Variants in NAP1L4 observed in about 807,000 individuals in gnomAD.
NAP1L4 encodes the protein nucleosome assembly protein 1 like 4.
Under a neutral mutation model 58.2 loss-of-function variants are expected in NAP1L4, and 15 were observed. The observed-to-expected ratio is 0.26, with a 90% CI of 0.17 to 0.40. NAP1L4 has a LOEUF of 0.40. Ranked by LOEUF, NAP1L4 falls within the 10% of genes least tolerant of loss-of-function variation. The pLI, the probability that NAP1L4 is intolerant of heterozygous loss-of-function variation, is 1.00. For synonymous variants in NAP1L4, 171 were observed against 155.6 expected (o/e 1.10, Z -0.74); for missense variants, 384 against 451.1 (o/e 0.85, Z 1.35).
chr11:2,965,752 G>A (rs1038399733), intron 7 of NAP1L4, among the ~76,000 whole-genome samples: 7 of 152,080 alleles, frequency 4.6e-5, no homozygotes, highest in Non-Finnish European at 7.4e-5. Context: ...GGATGGTCTC[G>A]ATCTCCTGAC....
At chr11:2,957,982 G>A (rs1846641952) in intron 10 of NAP1L4, among the ~76,000 whole-genome samples, 1 of 152,228 alleles carries the variant, frequency 6.6e-6, no homozygotes, top group African/African-American at 2.4e-5. Flanking sequence ...AGCTCTCCGA[G>A]GCTGGGAGTG....
In NAP1L4 at chr11:2,948,926, C is replaced by T. The variant is rs901761428; in HGVS notation, c.*32+301G>A. On this transcript the variant is annotated intron_variant, in intron 15 of 15. Coordinates refer to ENST00000380542, the MANE Select transcript of NAP1L4 (RefSeq NM_005969.4). This position sits in a 1 kb window ranked among gnomAD's most constrained non-coding sequence, Gnocchi z 5.1. ...ATGGTGGCCCGTGTGTGCCACCGTG[C>T]AGACTGCTGACCATCCAGGGCCCTC... Among the ~76,000 whole-genome samples the T allele has an allele frequency of 2.0e-5, 3 of 152,224 alleles. No homozygotes were observed. Among genetic ancestry groups the T allele is most frequent in the Admixed American group, 6.5e-5 (1 of 15,288 alleles).
chr11:2,976,895 A>T (rs575636565), intron 3 of NAP1L4, among the ~76,000 whole-genome samples: 1 of 152,290 alleles, frequency 6.6e-6, no homozygotes, highest in East Asian at 1.9e-4. Flanking sequence ...CCTCTTAATG[A>T]CACAATACAG....
At chr11:2,950,529 A>C (rs890458843) in intron 14 of NAP1L4, among the ~76,000 whole-genome samples, 12 of 152,204 alleles carry the variant, frequency 7.9e-5, no homozygotes, top group Admixed American at 3.9e-4. Context: ...GACAGCCCAT[A>C]ATATACTTAA....
chr11:2,982,460 C>CA (rs1848379105), intron 1 of NAP1L4, among the ~76,000 whole-genome samples: 1 of 152,208 alleles, frequency 6.6e-6, no homozygotes, highest in Admixed American at 6.5e-5. Flanking sequence ...CTCGTAAAGA[C>CA]ACATACTTCA....
In NAP1L4 at chr11:2,969,881, T is replaced by C; in HGVS notation, c.456A>G (p.Glu152=). 6.2e-7 allele frequency: 1 copy of C among 1,613,924 alleles called. No homozygotes were observed. Residue 152 remains glutamate (E), a synonymous_variant, in exon 7 of 16, where the codon GAA becomes GAG. Coordinates refer to ENST00000380542, the MANE Select transcript of NAP1L4 (RefSeq NM_005969.4). ...CTGGAATTCCTTTGGGATCTGGCTCTTCAGCCGTTGCCGCTGCTTTTTCTG... is the reference window on the plus strand; with the variant it reads ...CTGGAATTCCTTTGGGATCTGGCTCCTCAGCCGTTGCCGCTGCTTTTTCTG... The part of the protein sequence containing the change: ...VVTEKAAATA[E]EPDPKGIPEF...
chr11:2,967,081 A>T (rs958085446), intron 7 of NAP1L4, among the ~76,000 whole-genome samples: 1 of 152,210 alleles, frequency 6.6e-6, no homozygotes, highest in Non-Finnish European at 1.5e-5. Context: ...AAAGGGACTC[A>T]GAGTTAATCC....
At chr11:2,972,401 GA>G in intron 4 of NAP1L4, 158 bp from the exon 5 acceptor site, 20 of 477,876 alleles carry the variant, frequency 4.2e-5, no homozygotes, top group Non-Finnish European at 5.1e-5. Context: ...ACCCCAACAG[GA>G]AAAAAAGGAT....
rs1388484426 is a variant in NAP1L4, at chr11:2,959,783, C to A, written c.733G>T (p.Val245Leu). Residue 245 changes from valine to leucine, a missense_variant, in exon 9 of 16, where the codon GTG becomes TTG. Physicochemically the swap from Val to Leu is conservative, Grantham distance 32 (BLOSUM62 1). This residue lies in a region of NAP1L4 where 296 missense variants were observed against 360.8 expected (regional missense o/e 0.82). Transcript: ENST00000380542. The surrounding 1 kb of genome is among the most constrained non-coding windows in gnomAD (Gnocchi z 4.9). ...ACATTTTCTTACCCGTCACAGTCCA[C>A]AATCTCAGGACCTTCAAAGGAAAAG... The part of the protein sequence containing the change: ...DPFSFEGPEI[V>L]DCDGCTIDWK... 1 of 1,613,808 alleles carries A rather than the reference C, an allele frequency of 6.2e-7. No individual in the cohort carries two copies. Among genetic ancestry groups the A allele is most frequent in the South Asian group, 1.1e-5 (1 of 91,014 alleles).
intron 10 of NAP1L4, among the ~76,000 whole-genome samples, chr11:2,956,717 G>A (rs763899685): frequency 8.5e-5 from 13 of 152,206 alleles, no homozygotes; most frequent in Non-Finnish European, 1.2e-4. Flanking sequence ...ATGCTCCCCA[G>A]GGCACTCTGG....
rs577771951 is a variant in NAP1L4, at chr11:2,984,257, C to A, written c.-17-5020G>T. On this transcript the variant is annotated intron_variant, in intron 1 of 15. Transcript: ENST00000380542. The stretch of plus-strand genomic sequence containing the variant: ...CCACAGCAGCAACCCAAACCCAGCC[C>A]TAGTCAGTGAAGATTTAAAAACCCT... Among the ~76,000 whole-genome samples the A allele has an allele frequency of 7.9e-5, 12 of 151,938 alleles. No individual in the cohort carries two copies. In the South Asian group the frequency reaches 2.5e-3, roughly 32 times the overall value.
Position 2,945,659 on chromosome 11 carries a change from A to T in NAP1L4, c.*33-13T>A. ...GGCTGGGTTCCTTCTGTCAATGAAA[A>T]AGACAAGGCTTGTAGAGAGCAAAGC... On this transcript the variant is annotated splice_polypyrimidine_tract_variant and intron_variant, in intron 15 of 15. Transcript: ENST00000380542. 1 of 1,535,860 alleles carries T rather than the reference A, an allele frequency of 6.5e-7. No individual in the cohort carries two copies. Among genetic ancestry groups the T allele is most frequent in the Non-Finnish European group, 8.7e-7 (1 of 1,146,710 alleles).
chr11:2,960,615 T>C (rs930440982), intron 8 of NAP1L4, among the ~76,000 whole-genome samples: 1 of 152,048 alleles, frequency 6.6e-6, no homozygotes, highest in African/African-American at 2.4e-5. Flanking sequence ...TGTACAAAAA[T>C]ATGTAGACCC....
intron 10 of NAP1L4, among the ~76,000 whole-genome samples, chr11:2,957,614 A>C (rs1411828540): frequency 6.6e-6 from 1 of 152,214 alleles, no homozygotes; most frequent in Non-Finnish European, 1.5e-5. Flanking sequence ...AAGTTGCTTG[A>C]CCTTCACATT....
rs1188295934 is a variant in NAP1L4, at chr11:2,960,116, C to T, written c.607-207G>A. On this transcript the variant is annotated intron_variant, in intron 8 of 15. Coordinates refer to ENST00000380542, the MANE Select transcript of NAP1L4 (RefSeq NM_005969.4). ...ACTGGCGGGAAATATCTGTTCAGTT[C>T]ATGAGTAAGGGGCATGTTCCCCCTC... 5.6e-6 allele frequency: 3 copies of T among 537,782 alleles called. No homozygotes were observed. The African/African-American group carries it at 5.7e-5, about 10-fold the overall frequency. The allele number at this position is 537,782 out of a possible 1,614,324, so 33.3% of individuals were successfully genotyped here.
chr11:2,972,862 T>A (rs1847728346), intron 4 of NAP1L4, among the ~76,000 whole-genome samples: 1 of 152,094 alleles, frequency 6.6e-6, no homozygotes, highest in Non-Finnish European at 1.5e-5. Context: ...TCCCAGCTAC[T>A]CAGGAGGCTG....
In NAP1L4 at chr11:2,955,920, G is replaced by T; in HGVS notation, c.893-154C>A. 1 of 673,796 alleles carries T rather than the reference G, an allele frequency of 1.5e-6. No homozygotes were observed. Among genetic ancestry groups the T allele is most frequent in the Non-Finnish European group, 2.5e-6 (1 of 397,956 alleles). 41.7% of individuals were successfully genotyped at this position (673,796 alleles called of 1,614,324 possible). ...CCCCAAAGCCTTGCATCTCCTCACA[G>T]ACATCTTTGCAAGCTCCATCCACCA... On this transcript the variant is annotated intron_variant, in intron 10 of 15. Coordinates refer to ENST00000380542, the MANE Select transcript of NAP1L4 (RefSeq NM_005969.4). This position sits in a 1 kb window ranked among gnomAD's most constrained non-coding sequence, Gnocchi z 4.2.
Position 2,971,525 on chromosome 11 carries a change from ATTCTC to A in NAP1L4, c.320_324del (p.Arg107IlefsTer7). On this transcript the variant is annotated frameshift_variant, in exon 6 of 16. Transcript: ENST00000380542. LOFTEE classifies it high-confidence loss of function. This position sits in a 1 kb window ranked among gnomAD's most constrained non-coding sequence, Gnocchi z 4.2. ...GTTGGTTCAACATCGCCGGTGATAA[ATTCTC>A]TTCTCTACATAAAAATGAGACCTTA... 6.2e-7 allele frequency: 1 copy of A among 1,613,454 alleles called. No individual in the cohort carries two copies. The highest frequency in any genetic ancestry group is 8.5e-7 in the Non-Finnish European group (1 of 1,179,924).
At position 2,949,046 on chromosome 11, in the gene NAP1L4, A is replaced by G. The variant is rs904012809; in HGVS notation, c.*32+181T>C. Among the ~76,000 whole-genome samples the G allele has an allele frequency of 6.6e-6, 1 of 152,218 alleles. No homozygotes were observed. Among genetic ancestry groups the G allele is most frequent in the Non-Finnish European group, 1.5e-5 (1 of 68,036 alleles). On this transcript the variant is annotated intron_variant, in intron 15 of 15. Transcript: ENST00000380542. This position sits in a 1 kb window ranked among gnomAD's most constrained non-coding sequence, Gnocchi z 4.0. ...GAAACACTGGGCTCAGAAAGCAGGGACCAAATCTAGGTTTGGTTCGTTGAT... is the reference window on the plus strand; with the variant it reads ...GAAACACTGGGCTCAGAAAGCAGGGGCCAAATCTAGGTTTGGTTCGTTGAT...
Sources: gnomAD v4.1 joint callset for allele counts (sites outside exome capture counted in the v4.1 genomes callset) on GRCh38, gnomAD v4.1.1 for gene constraint, gnomAD v4.1.1 regional missense constraint, Gnocchi (gnomAD v3.1) non-coding constraint, MANE v1.5 for transcripts, NCBI Gene and HGNC (gene_info 2026-07-23, HGNC 2026-07-21) for gene names.